Variants in ATG5 observed in about 807,000 individuals in gnomAD.
ATG5 encodes autophagy related 5, also known as autophagy protein 5.
Under a neutral mutation model 36.5 loss-of-function variants are expected in ATG5, and 14 were observed. That is an observed-to-expected ratio of 0.38 (90% CI 0.25 to 0.60). The LOEUF (loss-of-function observed/expected upper bound fraction) is 0.60. ATG5 is among the 20% of genes least tolerant of loss of function. The pLI is 0.60. For synonymous variants in ATG5, 95 were observed against 101.5 expected, an observed-to-expected ratio of 0.94 and a Z score of 0.38; for missense variants, 195 against 326.7, an observed-to-expected ratio of 0.60 and a Z score of 3.11.
intron 1 of ATG5, among the ~76,000 whole-genome samples, chr6:106,320,498 AAG>A (rs1771020990): frequency 6.6e-6 from 1 of 152,164 alleles, no homozygotes; most frequent in African/African-American, 2.4e-5. Flanking sequence ...TAGATAATGA[AAG>A]AGCTGATACC....
At chr6:106,317,570 T>C (rs1287431930) in intron 1 of ATG5, among the ~76,000 whole-genome samples, 4 of 152,234 alleles carry the variant, frequency 2.6e-5, no homozygotes, top group Non-Finnish European at 4.4e-5. Flanking sequence ...ACAAGAATTC[T>C]GGTTATTAAA....
chr6:106,236,368 AAAGT>A (rs1326352748), intron 6 of ATG5, among the ~76,000 whole-genome samples: 1 of 152,196 alleles, frequency 6.6e-6, no homozygotes, highest in East Asian at 1.9e-4. Flanking sequence ...GTTGGATCAG[AAAGT>A]AAGCATATGT....
At chr6:106,220,820 G>C (rs1777219052) in intron 6 of ATG5, among the ~76,000 whole-genome samples, 2 of 152,154 alleles carry the variant, frequency 1.3e-5, no homozygotes, top group South Asian at 4.1e-4. Flanking sequence ...TGATTAAGCA[G>C]ATTTTCTTAC....
At chr6:106,301,884 T>C (rs145709082) in intron 3 of ATG5, among the ~76,000 whole-genome samples, 9 of 152,138 alleles carry the variant, frequency 5.9e-5, no homozygotes, top group South Asian at 2.1e-4. Context: ...TCATTGCTGT[T>C]TTACAGACAA....
At chr6:106,258,861 A>C (rs375599693) in intron 5 of ATG5, among the ~76,000 whole-genome samples, 1 of 152,160 alleles carries the variant, frequency 6.6e-6, no homozygotes, top group Non-Finnish European at 1.5e-5. Context: ...AATTCAACAA[A>C]TCTCATCTCC....
chr6:106,311,207 G>A (rs1770632570), intron 2 of ATG5, among the ~76,000 whole-genome samples: 1 of 152,128 alleles, frequency 6.6e-6, no homozygotes, highest in Admixed American at 6.6e-5. Flanking sequence ...AGGCAATGAG[G>A]ATACAACATT....
At chr6:106,291,647 A>G (rs993793723) in intron 4 of ATG5, among the ~76,000 whole-genome samples, 3 of 152,252 alleles carry the variant, frequency 2.0e-5, no homozygotes, top group African/African-American at 7.2e-5. Flanking sequence ...ACACAAAAAA[A>G]TCTAATTATT....
At chr6:106,240,529 A>C (rs1357690378) in intron 6 of ATG5, among the ~76,000 whole-genome samples, 2 of 151,948 alleles carry the variant, frequency 1.3e-5, no homozygotes, top group Non-Finnish European at 2.9e-5. Context: ...AAGTAAAAAT[A>C]TCTCTCTATA....
intron 4 of ATG5, 94 bp downstream of exon 4, chr6:106,292,934 G>A: frequency 1.0e-6 from 1 of 966,940 alleles, no homozygotes. Flanking sequence ...CAGGGGAAAA[G>A]CAATAAATAA....
intron 4 of ATG5, among the ~76,000 whole-genome samples, chr6:106,284,637 G>A (rs188355537): frequency 1.3e-5 from 2 of 152,144 alleles, no homozygotes; most frequent in East Asian, 3.9e-4. Context: ...TTATAGGCAT[G>A]AGCCACCACA....
intron 6 of ATG5, among the ~76,000 whole-genome samples, chr6:106,205,556 C>T (rs1776597215): frequency 6.6e-6 from 1 of 151,940 alleles, no homozygotes; most frequent in Non-Finnish European, 1.5e-5. Context: ...ATAATTAAAA[C>T]TAAAAGATTA....
chr6:106,257,632 T>C (rs1172974129), intron 5 of ATG5, among the ~76,000 whole-genome samples: 1 of 152,224 alleles, frequency 6.6e-6, no homozygotes, highest in Non-Finnish European at 1.5e-5. Context: ...TGTGAACTCA[T>C]TTCCTCATTT....
chr6:106,241,776 A>G (rs1012030893), intron 6 of ATG5, among the ~76,000 whole-genome samples: 3 of 152,200 alleles, frequency 2.0e-5, no homozygotes, highest in Non-Finnish European at 4.4e-5. Flanking sequence ...CTTTGGACTC[A>G]ACTGCAACTC....
intron 2 of ATG5, among the ~76,000 whole-genome samples, chr6:106,310,555 A>C (rs1383673860): frequency 6.6e-6 from 1 of 151,864 alleles, no homozygotes; most frequent in African/African-American, 2.4e-5. Context: ...TTTTTTTTTC[A>C]ATGTGGTAAA....
At chr6:106,316,334 G>C (rs1770847127) in intron 1 of ATG5, 68 bp from the exon 2 acceptor site, 1 of 480,944 alleles carries the variant, frequency 2.1e-6, no homozygotes, top group African/African-American at 2.1e-5. Flanking sequence ...GAAAACAAAA[G>C]ATTATTTTAA....
At chr6:106,239,800 G>C (rs1476462353) in intron 6 of ATG5, among the ~76,000 whole-genome samples, 2 of 152,156 alleles carry the variant, frequency 1.3e-5, no homozygotes, top group African/African-American at 4.8e-5. Context: ...ACAAAGCCAA[G>C]CCTATCATTT....
intron 6 of ATG5, among the ~76,000 whole-genome samples, chr6:106,224,988 A>G (rs774926834): frequency 2.6e-5 from 4 of 152,244 alleles, no homozygotes; most frequent in Admixed American, 2.0e-4. Context: ...AGAATACAGG[A>G]GGCATGACAA....
intron 3 of ATG5, among the ~76,000 whole-genome samples, chr6:106,300,336 A>G (rs10485352): frequency 0.075 from 11,423 of 152,206 alleles, 734 homozygotes; most frequent in Admixed American, 0.22. Flanking sequence ...AAGACAGAAG[A>G]ATCTGTTAGC....
chr6:106,234,571 A>G (rs1167977566), intron 6 of ATG5, among the ~76,000 whole-genome samples: 1 of 152,112 alleles, frequency 6.6e-6, no homozygotes, highest in African/African-American at 2.4e-5. Flanking sequence ...CCTCAGGAAT[A>G]TTTTTTGTCT....
Sources: allele counts gnomAD v4.1 joint callset (sites outside exome capture counted in the v4.1 genomes callset), GRCh38; gene constraint gnomAD v4.1.1; transcripts MANE v1.5; gene names NCBI Gene and HGNC (gene_info 2026-07-23, HGNC 2026-07-21).